FBN2: variants seen among roughly 807,000 people sequenced by gnomAD.
The protein encoded by FBN2 is fibrillin-2.
A neutral mutation model predicts 355.6 loss-of-function variants in FBN2; 105 were observed. The observed-to-expected ratio is 0.30, with a 90% confidence interval of 0.25 to 0.35. The LOEUF (loss-of-function observed/expected upper bound fraction) is 0.35. FBN2 is among the 10% of genes least tolerant of loss of function. The pLI, the probability that FBN2 is intolerant of heterozygous loss-of-function variation, is 1.00. For synonymous variants in FBN2, 1,350 were observed against 1,301.2 expected, an observed-to-expected ratio of 1.04 and a Z score of -0.81; for missense variants, 3,280 against 3,758.7, an observed-to-expected ratio of 0.87 and a Z score of 3.33.
At chr5:128,277,696 A>G (rs1439199963) in intron 58 of FBN2, among the ~76,000 whole-genome samples, 184 bp downstream of exon 58, 1 of 152,172 alleles carries the variant, frequency 6.6e-6, no homozygotes, top group African/African-American at 2.4e-5. Flanking sequence ...AGCATCCCAC[A>G]TTACTGGACA....
chr5:128,344,467 C>G lies in FBN2; in HGVS notation c.3261G>C (p.Gly1087=). ...CKAFPGMCTY[G]KCRNTIGSFK... ...AGCTTCCGATTGTATTTCTGCACTT[C>G]CCATAAGTGCACATCCCAGGAAATG... Residue 1087 remains glycine, a synonymous_variant, in exon 25 of 65, where the codon GGG becomes GGC. Coordinates refer to ENST00000262464, the MANE Select transcript of FBN2 (RefSeq NM_001999.4). 1.2e-6 allele frequency: 2 copies of G among 1,610,898 alleles called. No homozygotes were observed.
At position 128,274,462 on chromosome 5, in the gene FBN2, T is replaced by C. The variant is rs1300268068; in HGVS notation, c.7711+105A>G. ...AGACCACAAATTATGGGGTATTGGT[T>C]ACTGAACATAAATACCAGGACATTC... On this transcript the variant is annotated intron_variant, in intron 60 of 64. Coordinates refer to ENST00000262464, the MANE Select transcript of FBN2 (RefSeq NM_001999.4). 4.0e-6 allele frequency: 3 copies of C among 751,576 alleles called. No individual in the cohort carries two copies. In the Admixed American group the frequency reaches 5.5e-5, roughly 14 times the overall value. 46.6% of individuals were successfully genotyped at this position (751,576 alleles called of 1,614,324 possible).
Position 128,393,345 on chromosome 5 carries a change from C to T in FBN2, c.1255G>A (p.Asp419Asn). Residue 419 changes from aspartate to asparagine, a missense_variant, in exon 10 of 65, where the codon GAT (aspartate) becomes AAT (asparagine). Transcript: ENST00000262464. ...GGAATTCCTCCCATTGGAAGTCCATCCATGCAAAGTCTGCGATATTCCTCT... is the reference window on the plus strand; with the variant it reads ...GGAATTCCTCCCATTGGAAGTCCATTCATGCAAAGTCTGCGATATTCCTCT... The part of the protein sequence containing the change: ...GSEEYRRLCM[D>N]GLPMGGIPGS... The T allele has an allele frequency of 6.2e-7, 1 of 1,614,102 alleles. No individual in the cohort carries two copies.
At position 128,330,103 on chromosome 5, in the gene FBN2, T is replaced by C. The variant is rs141843602; in HGVS notation, c.4345+470A>G. ...ATTGGATAGGTCATATATCCTATCTTAAAAAGCTGAACAGTTTTCCCATGC... is the reference window on the plus strand; with the variant it reads ...ATTGGATAGGTCATATATCCTATCTCAAAAAGCTGAACAGTTTTCCCATGC... On this transcript the variant is annotated intron_variant, in intron 33 of 64. Coordinates refer to ENST00000262464, the MANE Select transcript of FBN2 (RefSeq NM_001999.4). 3.8e-3 allele frequency among the ~76,000 whole-genome samples: 582 copies of C among 152,350 alleles called. 8 individuals are homozygous for C. The highest frequency in any genetic ancestry group is 0.013 in the African/African-American group (543 of 41,588).
chr5:128,447,005 T>C (rs1754083017), intron 6 of FBN2, among the ~76,000 whole-genome samples: 1 of 152,222 alleles, frequency 6.6e-6, no homozygotes, highest in African/African-American at 2.4e-5. Flanking sequence ...TGAACATAAA[T>C]TGTGAAGATT....
chr5:128,367,463 TATTG>T (rs1234981830), intron 16 of FBN2, among the ~76,000 whole-genome samples: 2 of 152,142 alleles, frequency 1.3e-5, no homozygotes, highest in Non-Finnish European at 1.5e-5. Flanking sequence ...CAACTCTCCT[TATTG>T]ATTAATGTAA....
chr5:128,478,479 G>A (rs1755063920), intron 5 of FBN2, among the ~76,000 whole-genome samples: 1 of 152,160 alleles, frequency 6.6e-6, no homozygotes, highest in Non-Finnish European at 1.5e-5. Flanking sequence ...GTGATTAACA[G>A]ATGAGGAAAT....
intron 6 of FBN2, among the ~76,000 whole-genome samples, chr5:128,455,941 T>A (rs1754371822): frequency 7.3e-6 from 1 of 136,200 alleles, no homozygotes; most frequent in Non-Finnish European, 1.5e-5. Flanking sequence ...CTCCAGCTGC[T>A]GCTGTCTGCT....
chr5:128,323,618 G>A (rs1258330417), intron 34 of FBN2, among the ~76,000 whole-genome samples: 1 of 152,192 alleles, frequency 6.6e-6, no homozygotes, highest in African/African-American at 2.4e-5. Flanking sequence ...TGTTGAACCG[G>A]CCTTGCATCC....
At chr5:128,347,118 C>G (rs1442474925) in intron 23 of FBN2, among the ~76,000 whole-genome samples, 2 of 152,154 alleles carry the variant, frequency 1.3e-5, no homozygotes, top group Admixed American at 6.5e-5. Flanking sequence ...TACAGGTGGC[C>G]TAAGAACTCT....
intron 55 of FBN2, 46 bp from the exon 56 acceptor site, chr5:128,280,363 A>G (rs758889546): frequency 3.4e-6 from 5 of 1,476,940 alleles, no homozygotes; most frequent in Non-Finnish European, 4.7e-6. Flanking sequence ...CTGTCAAATT[A>G]TAGTTTACAA....
chr5:128,383,358 A>G (rs1212419644), intron 11 of FBN2, among the ~76,000 whole-genome samples: 2 of 152,168 alleles, frequency 1.3e-5, no homozygotes, highest in Non-Finnish European at 2.9e-5. Context: ...CTAAAGCTAG[A>G]TAACTTCTAG....
chr5:128,304,973 G>A lies in FBN2; in HGVS notation c.5784C>T (p.Asp1928=), dbSNP rs1161057075. Residue 1928 remains aspartate (D), a synonymous_variant, in exon 45 of 65, where the codon GAC becomes GAT. Transcript: ENST00000262464. The part of the protein sequence containing the change: ...ICHNGFKASQ[D]QTMCMDVDEC... ...CCTTCTTACCCATGCACATGGTCTG[G>A]TCCTGAGAAGCCTTAAAGCCATTGT... 1 of 1,613,742 alleles carries A rather than the reference G, an allele frequency of 6.2e-7. No individual in the cohort carries two copies. The highest frequency in any genetic ancestry group is 8.5e-7 in the Non-Finnish European group (1 of 1,179,962).
At chr5:128,526,557 T>G (rs1261782827) in intron 4 of FBN2, among the ~76,000 whole-genome samples, 2 of 152,066 alleles carry the variant, frequency 1.3e-5, no homozygotes, top group African/African-American at 4.8e-5. Flanking sequence ...GCCTTTAAAA[T>G]GAAGAAAATT....
intron 7 of FBN2, among the ~76,000 whole-genome samples, chr5:128,439,886 A>G (rs1391081714): frequency 6.6e-6 from 1 of 152,152 alleles, no homozygotes; most frequent in Non-Finnish European, 1.5e-5. Context: ...TTTATACAAA[A>G]TTGTATAGAT....
At chr5:128,474,114 A>G (rs1175164361) in intron 5 of FBN2, among the ~76,000 whole-genome samples, 1 of 152,212 alleles carries the variant, frequency 6.6e-6, no homozygotes, top group Non-Finnish European at 1.5e-5. Context: ...AGGCCATCAA[A>G]GATGTGGTCC....
At chr5:128,454,828 G>C (rs1754341208) in intron 6 of FBN2, among the ~76,000 whole-genome samples, 1 of 152,120 alleles carries the variant, frequency 6.6e-6, no homozygotes, top group Admixed American at 6.5e-5. Context: ...GAATTCCTGT[G>C]CATTTCACAT....
At chr5:128,392,275 T>C in intron 10 of FBN2, 120 bp from the exon 11 acceptor site, 2 of 830,534 alleles carry the variant, frequency 2.4e-6, no homozygotes, top group Non-Finnish European at 3.7e-6. Flanking sequence ...GCTCATATTT[T>C]ATATTTTATT....
intron 8 of FBN2, among the ~76,000 whole-genome samples, chr5:128,402,386 T>C (rs1008498564): frequency 3.3e-5 from 5 of 152,128 alleles, no homozygotes; most frequent in Admixed American, 3.3e-4. Context: ...TTACTACATT[T>C]CCTGAACAAG....
Sources: allele counts gnomAD v4.1 joint callset (sites outside exome capture counted in the v4.1 genomes callset), GRCh38; gene constraint gnomAD v4.1.1; transcripts MANE v1.5; gene names NCBI Gene and HGNC (gene_info 2026-07-23, HGNC 2026-07-21).